YBX3: variants seen among roughly 807,000 people sequenced by gnomAD.
The protein encoded by YBX3 is Y-box binding protein 3.
In YBX3, 29 loss-of-function variants were observed where a neutral mutation model predicts 42.4. That is an observed-to-expected ratio of 0.68 (90% CI 0.51 to 0.93). The LOEUF (loss-of-function observed/expected upper bound fraction) is 0.93. YBX3 is among the 40% of genes least tolerant of loss of function. YBX3 has a pLI of 0.00. For missense variants in YBX3, 517 were observed against 527.5 expected (o/e 0.98, Z 0.19); for synonymous variants, 195 against 189.8 (o/e 1.03, Z -0.22).
Position 10,708,365 on chromosome 12 carries a change from T to C in YBX3, c.780+1543A>G, listed in dbSNP as rs113627375. 2.3e-3 allele frequency among the ~76,000 whole-genome samples: 355 copies of C among 152,278 alleles called. 2 individuals carry two copies. Among genetic ancestry groups the C allele is most frequent in the African/African-American group, 8.2e-3 (340 of 41,556 alleles). Reference sequence around the variant, plus strand: ...AATAAATTTCATAGCGTTGTAATAGTAGAAAACGTTGGCGAAGACTTTTAT... The same window carrying C: ...AATAAATTTCATAGCGTTGTAATAGCAGAAAACGTTGGCGAAGACTTTTAT... On this transcript the variant is annotated intron_variant, in intron 6 of 9. Transcript: ENST00000228251.
intron 1 of YBX3, chr12:10,720,767 T>G (rs1207255794): frequency 6.6e-6 from 1 of 152,198 alleles, no homozygotes; most frequent in Non-Finnish European, 1.5e-5. Context: ...AGGAAAAAGA[T>G]GATAAATAAT....
chr12:10,717,084 G>A (rs1948271402), intron 3 of YBX3, among the ~76,000 whole-genome samples: 1 of 152,070 alleles, frequency 6.6e-6, no homozygotes, highest in Non-Finnish European at 1.5e-5. Context: ...CACTGTATCT[G>A]AACAAAATAA....
intron 5 of YBX3, chr12:10,710,712 T>C: frequency 1.8e-6 from 1 of 558,598 alleles, no homozygotes; most frequent in Non-Finnish European, 3.1e-6. Flanking sequence ...TACAATGACA[T>C]GTGGTCTCTC....
At chr12:10,720,122 GA>G (rs1446418017) in intron 1 of YBX3, among the ~76,000 whole-genome samples, 1 of 151,914 alleles carries the variant, frequency 6.6e-6, no homozygotes. Context: ...TTACCTTAAA[GA>G]AAAAATAAAG....
chr12:10,715,811 G>A (rs780056459), intron 3 of YBX3, 28 bp from the exon 4 acceptor site: 6 of 1,584,976 alleles, frequency 3.8e-6, no homozygotes, highest in Admixed American at 1.7e-5. Flanking sequence ...AATTTTATTC[G>A]ATGTATATTT....
chr12:10,720,233 G>T (rs1235085549), intron 1 of YBX3, among the ~76,000 whole-genome samples: 1 of 152,054 alleles, frequency 6.6e-6, no homozygotes, highest in Admixed American at 6.5e-5. Flanking sequence ...AAACAATAAG[G>T]CTTCACTTTT....
chr12:10,706,223 G>A (rs1948135399), intron 6 of YBX3, among the ~76,000 whole-genome samples: 1 of 152,166 alleles, frequency 6.6e-6, no homozygotes, highest in Non-Finnish European at 1.5e-5. Context: ...GTGAGGTAAC[G>A]GGTAAGGGAG....
chr12:10,713,160 C>G, intron 5 of YBX3, 51 bp downstream of exon 5: 1 of 1,573,658 alleles, frequency 6.4e-7, no homozygotes, highest in Non-Finnish European at 8.6e-7. Flanking sequence ...ACACTTAATT[C>G]CATGCATGAA....
chr12:10,713,972 A>G (rs1159169163), intron 4 of YBX3, among the ~76,000 whole-genome samples: 1 of 152,236 alleles, frequency 6.6e-6, no homozygotes, highest in Admixed American at 6.5e-5. Flanking sequence ...ATGTAGACCA[A>G]GAAGATTTCA....
At chr12:10,720,702 A>G (rs1261894499) in intron 1 of YBX3, 2 of 152,254 alleles carry the variant, frequency 1.3e-5, no homozygotes, top group African/African-American at 4.8e-5. Context: ...ACTGTTTTTA[A>G]TATCTAGCAT....
At chr12:10,704,923 C>T (rs933343505) in intron 6 of YBX3, among the ~76,000 whole-genome samples, 6 of 152,194 alleles carry the variant, frequency 3.9e-5, no homozygotes, top group African/African-American at 1.4e-4. Context: ...TAGCACCCAT[C>T]CTTTTCAATT....
intron 3 of YBX3, among the ~76,000 whole-genome samples, chr12:10,716,495 A>G (rs929602959): frequency 2.0e-5 from 3 of 152,106 alleles, no homozygotes; most frequent in Non-Finnish European, 4.4e-5. Context: ...TGAAGATGCT[A>G]TTCTTCATTA....
In YBX3 at chr12:10,722,857, T is replaced by G; in HGVS notation, c.255A>C (p.Lys85Asn). 1.3e-6 allele frequency: 2 copies of G among 1,493,622 alleles called. No homozygotes were observed. The highest frequency in any genetic ancestry group is 1.4e-5 in the African/African-American group (1 of 69,066). 92.5% of individuals were successfully genotyped at this position (1,493,622 alleles called of 1,614,324 possible). ...CTCCCTGGCCTGACTCACCGAGAAC[T>G]TTTTTCTCCGCGTCTTCGCTGCCGG... ...TAAGSEDAEK[K>N]VLATKVLGTV... Residue 85 changes from lysine (K) to asparagine (N), a missense_variant, in exon 1 of 10, where the codon AAA becomes AAC. This residue lies in a region of YBX3 where 420 missense variants were observed against 408.5 expected (regional missense o/e 1.03). Transcript: ENST00000228251.
rs1476048486 is a variant in YBX3 at position 10,723,274 on chromosome 12, T to C, written c.-163A>G. 174 of 1,103,126 alleles carry C rather than the reference T, an allele frequency of 1.6e-4. No homozygotes were observed. The highest frequency in any genetic ancestry group is 1.9e-4 in the Non-Finnish European group (171 of 889,212). 68.3% of individuals were successfully genotyped at this position (1,103,126 alleles called of 1,614,324 possible). On this transcript the variant is annotated 5_prime_UTR_variant, in exon 1 of 10. Transcript: ENST00000228251. ...GGTGGGGTCGCGCGGCGGAGGCGGC[T>C]CGAGCTTCGTGCTGCGCGCTCTCTC...
At chr12:10,703,646 C>T (rs143069088) in intron 7 of YBX3, 48 of 381,670 alleles carry the variant, frequency 1.3e-4, no homozygotes, top group African/African-American at 8.8e-4. Context: ...TAAATTCAGG[C>T]GATTTGATCA....
At chr12:10,712,124 G>A (rs1181089282) in intron 5 of YBX3, 1 of 152,202 alleles carries the variant, frequency 6.6e-6, no homozygotes, top group Non-Finnish European at 1.5e-5. Context: ...TAGGTAAACA[G>A]AAAGATATAA....
intron 5 of YBX3, chr12:10,710,670 C>T (rs1193849995): frequency 4.2e-6 from 4 of 955,450 alleles, no homozygotes; most frequent in Non-Finnish European, 5.8e-6. Flanking sequence ...CAGGCATTCT[C>T]TCAGAAGTAT....
chr12:10,702,970 G>C (rs1048148330), intron 7 of YBX3: 1 of 152,166 alleles, frequency 6.6e-6, no homozygotes, highest in African/African-American at 2.4e-5. Flanking sequence ...TGCTTTTATA[G>C]GTTAAAAAAG....
intron 3 of YBX3, 46 bp from the exon 4 acceptor site, chr12:10,715,829 G>C: frequency 6.6e-7 from 1 of 1,513,016 alleles, no homozygotes; most frequent in South Asian, 1.1e-5. Flanking sequence ...TTTCAATATT[G>C]GCCACAGATT....
Sources: allele counts gnomAD v4.1 joint callset (sites outside exome capture counted in the v4.1 genomes callset), GRCh38; gene constraint gnomAD v4.1.1; regional missense constraint gnomAD v4.1.1; transcripts MANE v1.5; gene names NCBI Gene and HGNC (gene_info 2026-07-23, HGNC 2026-07-21).